Variants in RPTOR observed in about 807,000 individuals in gnomAD.
RPTOR encodes the protein regulatory associated protein of MTOR complex 1, also known as regulatory-associated protein of mTOR.
Under a neutral mutation model 169.9 loss-of-function variants are expected in RPTOR, and 21 were observed. That is an observed-to-expected ratio of 0.12 (90% confidence interval 0.09 to 0.18). The LOEUF (loss-of-function observed/expected upper bound fraction) is 0.18. Ranked by LOEUF, RPTOR falls within the 10% of genes least tolerant of loss-of-function variation. RPTOR has a pLI of 1.00. For missense variants in RPTOR, 1,133 were observed against 1,855.9 expected (o/e 0.61, Z 7.16); for synonymous variants, 732 against 753.2 (o/e 0.97, Z 0.46).
At chr17:80,685,132 C>T (rs574238345) in intron 3 of RPTOR, among the ~76,000 whole-genome samples, 21 of 152,258 alleles carry the variant, frequency 1.4e-4, no homozygotes, top group Admixed American at 7.2e-4. Context: ...CATAGGAGAG[C>T]GCCTCATTCG....
chr17:80,657,472 C>CT (rs977074951), intron 3 of RPTOR, among the ~76,000 whole-genome samples: 17 of 151,632 alleles, frequency 1.1e-4, no homozygotes, highest in African/African-American at 2.4e-4. Flanking sequence ...GACTTTCCTT[C>CT]TTTTTTTTTG....
intron 3 of RPTOR, among the ~76,000 whole-genome samples, chr17:80,681,451 G>A (rs528480899): frequency 2.1e-4 from 32 of 152,198 alleles, no homozygotes; most frequent in Non-Finnish European, 3.7e-4. Flanking sequence ...GCAGGTGACA[G>A]TTCAGGGGCA....
chr17:80,636,765 C>T (rs2065510298), intron 2 of RPTOR, among the ~76,000 whole-genome samples: 1 of 152,188 alleles, frequency 6.6e-6, no homozygotes, highest in African/African-American at 2.4e-5. Flanking sequence ...CACACCCCTC[C>T]CCAACACGCC....
At chr17:80,682,278 A>AT (rs1329342476) in intron 3 of RPTOR, among the ~76,000 whole-genome samples, 3 of 151,908 alleles carry the variant, frequency 2.0e-5, no homozygotes, top group African/African-American at 7.2e-5. Context: ...TAATTGTTAA[A>AT]TTTTTTTGTA....
intron 20 of RPTOR, among the ~76,000 whole-genome samples, chr17:80,904,219 G>A (rs945430423): frequency 1.3e-5 from 2 of 152,186 alleles, no homozygotes; most frequent in Non-Finnish European, 2.9e-5. Context: ...GCCCCTGAGG[G>A]GTCAGGAGGG....
At chr17:80,956,667 G>A (rs781285747) in intron 28 of RPTOR, among the ~76,000 whole-genome samples, 13 of 152,272 alleles carry the variant, frequency 8.5e-5, no homozygotes, top group African/African-American at 1.7e-4. Context: ...CATCTTAGAC[G>A]TCGCTGCAAG....
chr17:80,692,988 C>G (rs1406592317), intron 3 of RPTOR, among the ~76,000 whole-genome samples: 1 of 152,184 alleles, frequency 6.6e-6, no homozygotes, highest in Admixed American at 6.5e-5. Flanking sequence ...CATTTATATA[C>G]GCACACACGC....
intron 11 of RPTOR, among the ~76,000 whole-genome samples, chr17:80,855,240 T>A (rs956123723): frequency 6.6e-6 from 1 of 152,254 alleles, no homozygotes; most frequent in Non-Finnish European, 1.5e-5. Flanking sequence ...ATTTTCTACA[T>A]TGAGCATCTT....
chr17:80,955,438 C>A lies in RPTOR; in HGVS notation c.3371-2186C>A, dbSNP rs533300522. Among the ~76,000 whole-genome samples, 5 of 152,312 alleles carry A rather than the reference C, an allele frequency of 3.3e-5. No homozygotes were observed. The East Asian group carries it at 7.7e-4, about 24-fold the overall frequency. ...GCACAAAACACATCACAGTGAGAGA[C>A]CTAACCTGTAAAAGCCTTTCAGAGA... On this transcript the variant is annotated intron_variant, in intron 28 of 33. Transcript: ENST00000306801.
chr17:80,863,763 T>C (rs1034177224), intron 13 of RPTOR, among the ~76,000 whole-genome samples: 1 of 151,812 alleles, frequency 6.6e-6, no homozygotes, highest in East Asian at 1.9e-4. Context: ...CATGAAAAAA[T>C]ACAAAACTCA....
Position 80,940,292 on chromosome 17 carries a change from C to T in RPTOR, c.2920-204C>T, listed in dbSNP as rs2069007966. 4 of 519,424 alleles carry T rather than the reference C, an allele frequency of 7.7e-6. No homozygotes were observed. The South Asian group carries it at 8.0e-5, about 10-fold the overall frequency. 32.2% of individuals were successfully genotyped at this position (519,424 alleles called of 1,614,324 possible). On this transcript the variant is annotated intron_variant, in intron 24 of 33. Coordinates refer to ENST00000306801, the MANE Select transcript of RPTOR (RefSeq NM_020761.3). ...TATTTACACAGCGTTGACACTGTGTCGGGTATGGCGGGCAAGCTAGCGAGG... is the reference window on the plus strand; with the variant it reads ...TATTTACACAGCGTTGACACTGTGTTGGGTATGGCGGGCAAGCTAGCGAGG...
chr17:80,946,938 C>G (rs1220962771), intron 26 of RPTOR, among the ~76,000 whole-genome samples: 4 of 152,248 alleles, frequency 2.6e-5, no homozygotes, highest in Admixed American at 6.5e-5. Context: ...ACCCGCACAG[C>G]CTGTGGCTCC....
At chr17:80,665,499 TTTCCATGTCCTTTCCTTTCCTTTC>T (rs2065768331) in intron 3 of RPTOR, among the ~76,000 whole-genome samples, 1 of 46,428 alleles carries the variant, frequency 2.2e-5, no homozygotes, top group Non-Finnish European at 4.2e-5. Context: ...TTTCCTTTCC[TTTCCATGTCCTTTCCTTTCCTTTC>T]CATGTCCTTT....
intron 1 of RPTOR, among the ~76,000 whole-genome samples, chr17:80,592,508 A>T (rs896603787): frequency 1.3e-5 from 2 of 152,034 alleles, no homozygotes; most frequent in African/African-American, 4.8e-5. Context: ...AGGGAACAGG[A>T]TATGACTGCC....
Position 80,545,519 on chromosome 17 carries a change from C to T in RPTOR, c.-111C>T, listed in dbSNP as rs1257415070. On this transcript the variant is annotated 5_prime_UTR_variant, in exon 1 of 34. Transcript: ENST00000306801. ...CCGCACTCTTTATCCATTTGGTTTT[C>T]GATTTCCCGTTTTTGTTTCTTATTT... 1.2e-6 allele frequency: 1 copy of T among 849,438 alleles called. No homozygotes were observed. Among genetic ancestry groups the T allele is most frequent in the Non-Finnish European group, 1.9e-6 (1 of 538,648 alleles). The allele number at this position is 849,438 out of a possible 1,614,324, so 52.6% of individuals were successfully genotyped here. A position where few individuals can be genotyped will look rare whatever the true frequency, so the allele number is the denominator to read the frequency against.
At chr17:80,753,864 G>T in intron 5 of RPTOR, 146 bp from the exon 6 acceptor site, 1 of 751,010 alleles carries the variant, frequency 1.3e-6, no homozygotes. Flanking sequence ...GTTCAGCAGC[G>T]ACGCCTCTCT....
At chr17:80,693,289 G>T (rs1018679303) in intron 3 of RPTOR, among the ~76,000 whole-genome samples, 4 of 152,144 alleles carry the variant, frequency 2.6e-5, no homozygotes, top group Admixed American at 2.6e-4. Flanking sequence ...CAGCAGTGCC[G>T]ACCGAGCCTG....
chr17:80,582,457 G>A (rs1297759506), intron 1 of RPTOR, among the ~76,000 whole-genome samples: 1 of 151,930 alleles, frequency 6.6e-6, no homozygotes, highest in Non-Finnish European at 1.5e-5. Context: ...TCCCTGAGCT[G>A]CACGGCCCTC....
intron 24 of RPTOR, among the ~76,000 whole-genome samples, chr17:80,935,621 C>A (rs1199723905): frequency 6.6e-6 from 1 of 152,154 alleles, no homozygotes; most frequent in African/African-American, 2.4e-5. Flanking sequence ...ATACTCTTTT[C>A]AACCATTGGT....
Sources: gnomAD v4.1 joint callset for allele counts (sites outside exome capture counted in the v4.1 genomes callset) on GRCh38, gnomAD v4.1.1 for gene constraint, MANE v1.5 for transcripts, NCBI Gene and HGNC (gene_info 2026-07-23, HGNC 2026-07-21) for gene names.